The following PDLIM2 variants were observed in gnomAD, a reference collection of about 807,000 sequenced individuals.
The protein encoded by PDLIM2 is PDZ and LIM domain 2.
Under a neutral mutation model 54.1 loss-of-function variants are expected in PDLIM2, and 51 were observed. The ratio of observed to expected loss-of-function variants is 0.94; its 90% CI spans 0.75 to 1.19. The LOEUF is 1.19. PDLIM2 is among the 50% of genes most tolerant of loss of function. The pLI is 0.00. For missense variants in PDLIM2, 912 were observed against 874.0 expected, an observed-to-expected ratio of 1.04 and a Z score of -0.55; for synonymous variants, 398 against 385.6, an observed-to-expected ratio of 1.03 and a Z score of -0.38.
Position 22,580,502 on chromosome 8 carries a change from G to A in PDLIM2, c.749-101G>A, listed in dbSNP as rs1210419176. On this transcript the variant is annotated intron_variant, in intron 1 of 9. It adds an upstream start codon to the 5' untranslated region. Coordinates refer to ENST00000308354, the Ensembl canonical transcript of PDLIM2. ...CTGAGTAGCTGCTCCGGGAGCTGTG[G>A]TGCCCTCTCCTTCTCCCTTTGGCTC... 1 of 1,591,578 alleles carries A rather than the reference G, an allele frequency of 6.3e-7. No homozygotes were observed. Among genetic ancestry groups the A allele is most frequent in the Non-Finnish European group, 8.5e-7 (1 of 1,170,590 alleles).
downstream of PDLIM2, chr8:22,595,913 G>A (rs11783129): frequency 0.29 from 44,901 of 152,590 alleles, 6,977 homozygotes; most frequent in South Asian, 0.37. Flanking sequence ...CAGCCTCCCA[G>A]GTAGCTGGGA....
chr8:22,579,239 C>A (rs959094288), exon 1 of PDLIM2: 36 of 1,366,472 alleles, frequency 2.6e-5, no homozygotes, highest in Non-Finnish European at 3.2e-5. Context: ...GCGCGCCCAC[C>A]TGCGCCTCTC....
chr8:22,588,654 A>G (rs762250610), intron 6 of PDLIM2: 7 of 152,940 alleles, frequency 4.6e-5, no homozygotes, highest in Non-Finnish European at 1.0e-4. Flanking sequence ...GCACACCTGG[A>G]GACAGGCACT....
At chr8:22,580,769 C>A in intron 2 of PDLIM2, 72 bp downstream of exon 1, 2 of 1,467,546 alleles carry the variant, frequency 1.4e-6, no homozygotes, top group Non-Finnish European at 1.9e-6. Flanking sequence ...CCCCACTCTG[C>A]ACAGATGGCT....
intron 3 of PDLIM2, among the ~76,000 whole-genome samples, chr8:22,583,182 T>C (rs533335206): frequency 1.3e-5 from 2 of 152,112 alleles, no homozygotes; most frequent in African/African-American, 4.8e-5. Flanking sequence ...TCCAGCTGGG[T>C]TCCACTTTGG....
intron 2 of PDLIM2, 108 bp from the exon 2 acceptor site, chr8:22,581,271 C>A: frequency 7.1e-7 from 1 of 1,406,498 alleles, no homozygotes; most frequent in South Asian, 1.3e-5. Context: ...CAGGAGGGTG[C>A]AGGCCGGCCT....
chr8:22,589,754 G>A lies in PDLIM2; in HGVS notation c.1513+13G>A. ...GCTGAGGAGAGAGGTGAGGGTCTGG[G>A]GGGCTGGGGAGGGGAAGGAGGTTCC... On this transcript the variant is annotated intron_variant, in intron 8 of 9. Coordinates refer to ENST00000308354, the Ensembl canonical transcript of PDLIM2. 1.3e-6 allele frequency: 2 copies of A among 1,559,532 alleles called. No homozygotes were observed. The highest frequency in any genetic ancestry group is 1.7e-6 in the Non-Finnish European group (2 of 1,151,502).
At chr8:22,589,228 C>G (rs1368301930) in intron 6 of PDLIM2, 70 bp from the exon 6 acceptor site, 3 of 1,493,902 alleles carry the variant, frequency 2.0e-6, no homozygotes, top group Non-Finnish European at 2.7e-6. Context: ...AACAGCCGGG[C>G]TAGGCCCTCC....
exon 1 of PDLIM2, chr8:22,579,464 G>C (rs1402690543): frequency 1.3e-6 from 2 of 1,516,710 alleles, no homozygotes; most frequent in Non-Finnish European, 1.8e-6. Flanking sequence ...TGGTAGAGCC[G>C]GGCCATCGGG....
chr8:22,585,161 A>G, exon 5 of PDLIM2: 8 of 1,613,196 alleles, frequency 5.0e-6, no homozygotes, highest in Non-Finnish European at 6.8e-6. Flanking sequence ...CATCAGCCGC[A>G]GGTGAGTGTG....
At chr8:22,589,918 C>A (rs1216462737) in intron 8 of PDLIM2, 177 bp downstream of exon 7, 6 of 364,088 alleles carry the variant, frequency 1.6e-5, no homozygotes, top group Non-Finnish European at 2.7e-5. Context: ...GCTGACGGTC[C>A]GGGAGGGTCC....
chr8:22,594,283 A>G (rs1800636251), exon 10 of PDLIM2: 2 of 1,398,200 alleles, frequency 1.4e-6, no homozygotes, highest in Non-Finnish European at 1.9e-6. Context: ...AAATATATGA[A>G]TATGGACAAA....
chr8:22,587,709 C>G (rs560120562), intron 6 of PDLIM2: 4 of 152,338 alleles, frequency 2.6e-5, no homozygotes, highest in Non-Finnish European at 4.4e-5. Context: ...GACATTGTCT[C>G]TCCCAGTCGG....
At chr8:22,591,495 G>A (rs1410054700) in intron 8 of PDLIM2, 56 bp from the exon 8 acceptor site, 6 of 1,474,478 alleles carry the variant, frequency 4.1e-6, no homozygotes, top group South Asian at 1.1e-5. Flanking sequence ...GAGCATCTTT[G>A]GGAGGATGCT....
chr8:22,596,982 G>A (rs1800696241), downstream of PDLIM2: 1 of 152,240 alleles, frequency 6.6e-6, no homozygotes, highest in Admixed American at 6.5e-5. Context: ...TGTCATCAGA[G>A]GCAGCCTTCC....
In PDLIM2 at chr8:22,589,788, C is replaced by T. The variant is rs77585200; in HGVS notation, c.1513+47C>T. On this transcript the variant is annotated intron_variant, in intron 8 of 9. Coordinates refer to ENST00000308354, the Ensembl canonical transcript of PDLIM2. ...GAGGGGAAGGAGGTTCCCTTCCGTA[C>T]CCCGGGCCCTGACTGGATGGGTCAG... is the stretch of plus-strand genomic sequence containing the variant. The T allele has an allele frequency of 7.7e-3, 11,990 of 1,548,826 alleles. 686 individuals are homozygous for T. The African/African-American group carries it at 0.13, about 17-fold the overall frequency.
exon 1 of PDLIM2, chr8:22,579,016 C>A: frequency 8.0e-7 from 1 of 1,243,020 alleles, no homozygotes; most frequent in African/African-American, 1.6e-5. Context: ...CAGGTGGCAG[C>A]GCCTGGGCTC....
exon 7 of PDLIM2, chr8:22,589,372 C>T: frequency 6.5e-7 from 1 of 1,535,420 alleles, no homozygotes; most frequent in Non-Finnish European, 8.7e-7. Flanking sequence ...CCTCCAGGCC[C>T]AGGTACCAGC....
intron 9 of PDLIM2, chr8:22,593,367 G>C (rs747445790): frequency 2.0e-4 from 37 of 185,672 alleles, no homozygotes; most frequent in African/African-American, 2.8e-4. Flanking sequence ...ACCTGAGGTT[G>C]GGAGGGCAAG....
Sources: gnomAD v4.1 joint callset for allele counts (sites outside exome capture counted in the v4.1 genomes callset) on GRCh38, gnomAD v4.1.1 for gene constraint, MANE v1.5 for transcripts, NCBI Gene and HGNC (gene_info 2026-07-23, HGNC 2026-07-21) for gene names.